Variants in ATP7B observed in about 807,000 individuals in gnomAD.
The protein encoded by ATP7B is ATPase copper transporting beta.
A neutral mutation model predicts 118.9 loss-of-function variants in ATP7B; 113 were observed. The ratio of observed to expected loss-of-function variants is 0.95; its 90% CI spans 0.82 to 1.11. ATP7B has a LOEUF of 1.11. Among genes scored for constraint, ATP7B ranks in the 50% most tolerant of loss-of-function variants. The pLI is 0.00. For missense variants in ATP7B, 1,867 were observed against 1,871.4 expected, an observed-to-expected ratio of 1.00 and a Z score of 0.04; for synonymous variants, 777 against 727.4, an observed-to-expected ratio of 1.07 and a Z score of -1.10.
At chr13:51,944,402 C>T (rs1025417002) in intron 13 of ATP7B, 111 bp from the exon 14 acceptor site, 16 of 1,304,026 alleles carry the variant, frequency 1.2e-5, no homozygotes, top group South Asian at 6.2e-5. Context: ...AAACAAGACA[C>T]CTGCACAGCT....
At chr13:51,988,669 A>G (rs767021660) in intron 1 of ATP7B, among the ~76,000 whole-genome samples, 1 of 152,212 alleles carries the variant, frequency 6.6e-6, no homozygotes, top group African/African-American at 2.4e-5. Flanking sequence ...ATGCCCATTA[A>G]TGATAGACTG....
intron 4 of ATP7B, chr13:51,966,976 GA>G (rs1370054367): frequency 6.2e-7 from 1 of 1,613,464 alleles, no homozygotes; most frequent in African/African-American, 1.3e-5. Context: ...AACCACAGCT[GA>G]TGGCAGAAAA....
chr13:51,976,925 G>A (rs1246060161), intron 1 of ATP7B, among the ~76,000 whole-genome samples: 1 of 152,144 alleles, frequency 6.6e-6, no homozygotes, highest in Non-Finnish European at 1.5e-5. Flanking sequence ...TGAAGACTTA[G>A]GACACTGCAC....
At chr13:51,968,774 C>A (rs1951695778) in intron 3 of ATP7B, among the ~76,000 whole-genome samples, 167 bp from the exon 4 acceptor site, 1 of 152,116 alleles carries the variant, frequency 6.6e-6, no homozygotes, top group Admixed American at 6.5e-5. Context: ...CTTGGAAAGC[C>A]TTCGACAATC....
chr13:51,947,843 T>C (rs1420681010), intron 12 of ATP7B: 3 of 152,198 alleles, frequency 2.0e-5, no homozygotes, highest in Non-Finnish European at 2.9e-5. Flanking sequence ...TAAAGGAACA[T>C]GCAGTACCTC....
At chr13:51,961,809 T>C in intron 6 of ATP7B, 28 bp downstream of exon 6, 1 of 1,601,154 alleles carries the variant, frequency 6.2e-7, no homozygotes, top group Non-Finnish European at 8.6e-7. Context: ...AGATGAGAGC[T>C]GGAGTTTATC....
chr13:51,966,742 A>G, intron 4 of ATP7B: 2 of 1,584,214 alleles, frequency 1.3e-6, no homozygotes, highest in South Asian at 2.3e-5. Flanking sequence ...CGCACCCACC[A>G]TGGCCACAGT....
intron 13 of ATP7B, 152 bp downstream of exon 13, chr13:51,946,132 T>C (rs1264854868): frequency 1.4e-5 from 15 of 1,054,800 alleles, no homozygotes. Flanking sequence ...ACTCTGTTGC[T>C]ACTGTTGTTA....
chr13:51,966,834 T>A lies in ATP7B; in HGVS notation c.1707+1610A>T, dbSNP rs1354522511. 5 of 1,613,312 alleles carry A rather than the reference T, an allele frequency of 3.1e-6. No individual in the cohort carries two copies. The East Asian group carries it at 1.1e-4, about 36-fold the overall frequency. ...TGAAGGAGCTAGGAGTGGGAATAGC[T>A]TTGCAAAAAATGGGCGCAATGGCCA... On this transcript the variant is annotated intron_variant, in intron 4 of 20. Coordinates refer to ENST00000242839, the MANE Select transcript of ATP7B (RefSeq NM_000053.4).
chr13:51,953,868 A>AAAAAAAAAAAC (rs1461098056), intron 9 of ATP7B, among the ~76,000 whole-genome samples: 2 of 148,194 alleles, frequency 1.3e-5, no homozygotes, highest in African/African-American at 5.0e-5. Flanking sequence ...AAAAAAAAAA[A>AAAAAAAAAAAC]CCAGAAAATT....
In ATP7B at chr13:51,935,104, G is replaced by C. The variant is rs1385296232; in HGVS notation, c.4125-75C>G. On this transcript the variant is annotated intron_variant, in intron 20 of 20. Coordinates refer to ENST00000242839, the MANE Select transcript of ATP7B (RefSeq NM_000053.4). ...TTTTTTTTTTCTAAGCCTGGTGAAG[G>C]CCTCTCATCCATCTTTTAATAACAT... 6 of 1,555,218 alleles carry C rather than the reference G, an allele frequency of 3.9e-6. No homozygotes were observed. In the East Asian group the frequency reaches 1.1e-4, roughly 30 times the overall value.
intron 6 of ATP7B, 60 bp from the exon 7 acceptor site, chr13:51,960,382 G>A (rs1347305599): frequency 1.3e-6 from 2 of 1,577,432 alleles, no homozygotes; most frequent in African/African-American, 2.7e-5. Flanking sequence ...TGGATTACAA[G>A]CCACTCCCCT....
At chr13:51,945,735 A>G (rs1957604423) in intron 13 of ATP7B, among the ~76,000 whole-genome samples, 1 of 152,230 alleles carries the variant, frequency 6.6e-6, no homozygotes, top group Admixed American at 6.5e-5. Context: ...CCATCGCCAG[A>G]ACCCAGTGCA....
chr13:51,975,062 G>C lies in ATP7B; in HGVS notation c.158C>G (p.Pro53Arg), dbSNP rs764539745. Residue 53 changes from proline to arginine, a missense_variant, in exon 2 of 21, where the codon CCT becomes CGT. Transcript: ENST00000242839. ...GYEGGLDGLG[P>R]SSQVATSTVR... ...TGTGCTGGTGGCCACCTGAGAAGAA[G>C]GGCCCAGGCCATCCAGACCACCTTC... The C allele has an allele frequency of 6.8e-6, 11 of 1,614,214 alleles. No homozygotes were observed. The South Asian group carries it at 8.8e-5, about 13-fold the overall frequency.
At chr13:51,962,455 G>A (rs1411005985) in intron 5 of ATP7B, among the ~76,000 whole-genome samples, 2 of 152,150 alleles carry the variant, frequency 1.3e-5, no homozygotes, top group Non-Finnish European at 2.9e-5. Flanking sequence ...TTGTTACCAC[G>A]TTCATCTGAC....
intron 1 of ATP7B, among the ~76,000 whole-genome samples, chr13:51,982,136 G>T (rs531239089): frequency 6.6e-6 from 1 of 152,140 alleles, no homozygotes; most frequent in African/African-American, 2.4e-5. Context: ...TCTAAGGCAA[G>T]GAAGAAAATG....
intron 16 of ATP7B, 126 bp from the exon 17 acceptor site, chr13:51,939,319 C>T: frequency 2.8e-6 from 4 of 1,443,178 alleles, no homozygotes; most frequent in South Asian, 1.2e-5. Flanking sequence ...TTATATAACA[C>T]AATGTGGTTT....
rs147355085 is a variant in ATP7B at position 51,943,970 on chromosome 13, G to A, written c.3243+139C>T. ...GGCTGACTGTGAGCCCTATATCTCC[G>A]CCTGCTGCAGAAGGGCCCTCTAAGT... On this transcript the variant is annotated intron_variant, in intron 14 of 20. Coordinates refer to ENST00000242839, the MANE Select transcript of ATP7B (RefSeq NM_000053.4). The A allele has an allele frequency of 9.5e-5, 101 of 1,060,172 alleles. 1 individual carries two copies. The highest frequency in any genetic ancestry group is 8.2e-4 in the South Asian group (53 of 64,682). 65.7% of individuals were successfully genotyped at this position (1,060,172 alleles called of 1,614,324 possible). A position where few individuals can be genotyped will look rare whatever the true frequency, so the allele number is the denominator to read the frequency against.
At chr13:51,969,930 C>G (rs1454233188) in intron 3 of ATP7B, among the ~76,000 whole-genome samples, 1 of 152,138 alleles carries the variant, frequency 6.6e-6, no homozygotes, top group Non-Finnish European at 1.5e-5. Flanking sequence ...ATTCTGGTGG[C>G]AAGGTAGAGT....
Sources: gnomAD v4.1 joint callset for allele counts (sites outside exome capture counted in the v4.1 genomes callset) on GRCh38, gnomAD v4.1.1 for gene constraint, MANE v1.5 for transcripts, NCBI Gene and HGNC (gene_info 2026-07-23, HGNC 2026-07-21) for gene names.